The following EMSY variants were observed in gnomAD, a reference collection of about 807,000 sequenced individuals.
The protein encoded by EMSY is BRCA2-interacting transcriptional repressor EMSY.
A neutral mutation model predicts 134.6 loss-of-function variants in EMSY; 26 were observed. That is an observed-to-expected ratio of 0.19 (90% CI 0.14 to 0.27). EMSY has a LOEUF of 0.27. EMSY is among the 10% of genes least tolerant of loss of function. EMSY has a pLI of 1.00. For synonymous variants in EMSY, 579 were observed against 577.8 expected, an observed-to-expected ratio of 1.00 and a Z score of -0.03; for missense variants, 1,305 against 1,611.4, an observed-to-expected ratio of 0.81 and a Z score of 3.26.
At chr11:76,522,645 G>C (rs1950690728) in intron 11 of EMSY, among the ~76,000 whole-genome samples, 1 of 152,118 alleles carries the variant, frequency 6.6e-6, no homozygotes, top group African/African-American at 2.4e-5. Context: ...ATGAGCGTGA[G>C]CCACCACGCC....
At chr11:76,454,112 T>C (rs777243426) in intron 4 of EMSY, among the ~76,000 whole-genome samples, 8 of 152,170 alleles carry the variant, frequency 5.3e-5, no homozygotes, top group Non-Finnish European at 1.0e-4. Flanking sequence ...AAATATGTTA[T>C]AGTATAATTC....
chr11:76,481,104 C>A (rs141847706), intron 8 of EMSY, among the ~76,000 whole-genome samples: 2 of 152,118 alleles, frequency 1.3e-5, no homozygotes, highest in Non-Finnish European at 2.9e-5. Context: ...AGTGCCATGG[C>A]GCTATCTCGG....
chr11:76,445,338 C>T (rs1947332652), intron 1 of EMSY, among the ~76,000 whole-genome samples: 1 of 152,038 alleles, frequency 6.6e-6, no homozygotes, highest in Admixed American at 6.6e-5. Context: ...TGGGAGACTC[C>T]CGGTGAGTCC....
intron 9 of EMSY, among the ~76,000 whole-genome samples, chr11:76,509,848 C>T (rs970475898): frequency 6.6e-6 from 1 of 152,202 alleles, no homozygotes; most frequent in African/African-American, 2.4e-5. Flanking sequence ...AAGTTATTCA[C>T]TCTAACTTTT....
At chr11:76,503,248 C>A (rs1487946419) in intron 9 of EMSY, among the ~76,000 whole-genome samples, 1 of 135,242 alleles carries the variant, frequency 7.4e-6, no homozygotes, top group East Asian at 2.3e-4. Flanking sequence ...TTGCAGTGAG[C>A]TGAGATTGCA....
chr11:76,510,043 C>T (rs556469649), intron 9 of EMSY, among the ~76,000 whole-genome samples: 7 of 152,248 alleles, frequency 4.6e-5, no homozygotes, highest in Admixed American at 1.3e-4. Context: ...CAGAACAAGA[C>T]GCTGTCTCTA....
chr11:76,480,486 A>C (rs1272767921), intron 8 of EMSY, among the ~76,000 whole-genome samples: 1 of 152,212 alleles, frequency 6.6e-6, no homozygotes, highest in African/African-American at 2.4e-5. Flanking sequence ...CTCATCTTCC[A>C]GTTGAAATTC....
chr11:76,531,227 A>T (rs1244741035), intron 14 of EMSY, among the ~76,000 whole-genome samples: 2 of 152,226 alleles, frequency 1.3e-5, no homozygotes, highest in African/African-American at 4.8e-5. Flanking sequence ...ATTTAATGTT[A>T]TAATAATTAT....
At chr11:76,488,649 T>C in intron 8 of EMSY, among the ~76,000 whole-genome samples, 1 of 152,202 alleles carries the variant, frequency 6.6e-6, no homozygotes, top group East Asian at 1.9e-4. Flanking sequence ...AAATCTGCAT[T>C]GATCAAGTGA....
chr11:76,493,367 C>T (rs1418112113), intron 8 of EMSY, among the ~76,000 whole-genome samples: 1 of 152,126 alleles, frequency 6.6e-6, no homozygotes, highest in Non-Finnish European at 1.5e-5. Flanking sequence ...TTGATGGCAG[C>T]AGGAGGCAGA....
intron 12 of EMSY, 73 bp downstream of exon 13, chr11:76,523,364 C>T (rs1306183651): frequency 6.6e-7 from 1 of 1,512,664 alleles, no homozygotes; most frequent in African/African-American, 1.4e-5. Context: ...AATATTTGCA[C>T]AAGGACTTGA....
At chr11:76,542,273 A>C (rs1290363772) in exon 18 of EMSY, 3 of 1,614,074 alleles carry the variant, frequency 1.9e-6, no homozygotes, top group South Asian at 1.1e-5. Context: ...CTGCTCCAGC[A>C]TGTGGCTCAG....
At chr11:76,524,845 G>A (rs1169162374) in intron 12 of EMSY, among the ~76,000 whole-genome samples, 2 of 152,170 alleles carry the variant, frequency 1.3e-5, no homozygotes, top group African/African-American at 2.4e-5. Flanking sequence ...GCAACATGGT[G>A]AAACTCCGTA....
rs71040003 is a variant in EMSY at position 76,522,352 on chromosome 11, C to CTTTTTTTTTTTTTTTTTTTTTTTT, written c.1685-796_1685-773dup. ...CTTGTTTTGTATATCGTTTACTTTG[C>CTTTTTTTTTTTTTTTTTTTTTTTT]TTTTTTTTTTTTTTTTTTTTTTTTT... On this transcript the variant is annotated intron_variant, in intron 11 of 20. Coordinates refer to ENST00000334736, the Ensembl canonical transcript of EMSY. Among the ~76,000 whole-genome samples the CTTTTTTTTTTTTTTTTTTTTTTTT allele has an allele frequency of 1.4e-4, 6 of 44,246 alleles. 2 individuals carry two copies. Among genetic ancestry groups the CTTTTTTTTTTTTTTTTTTTTTTTT allele is most frequent in the East Asian group, 1.8e-3 (2 of 1,134 alleles). The allele number at this position is 44,246 out of a possible 152,430, so 29.0% of individuals were successfully genotyped here.
At chr11:76,526,034 T>C (rs1254579599) in intron 12 of EMSY, among the ~76,000 whole-genome samples, 2 of 152,176 alleles carry the variant, frequency 1.3e-5, no homozygotes, top group Non-Finnish European at 2.9e-5. Context: ...ATTTTCTAAT[T>C]ACACAAATAC....
intron 10 of EMSY, among the ~76,000 whole-genome samples, chr11:76,515,581 T>G (rs1474797974): frequency 6.6e-6 from 1 of 152,202 alleles, no homozygotes; most frequent in African/African-American, 2.4e-5. Context: ...TCTAGGCAGC[T>G]TTAACTTTAA....
intron 9 of EMSY, chr11:76,496,867 A>G: frequency 3.4e-6 from 1 of 298,270 alleles, no homozygotes; most frequent in Non-Finnish European, 6.4e-6. Flanking sequence ...TTTCCAATCA[A>G]TTGCTGTTTA....
chr11:76,546,284 A>G (rs777918730), exon 20 of EMSY: 24 of 1,608,810 alleles, frequency 1.5e-5, no homozygotes, highest in Non-Finnish European at 1.6e-5. Flanking sequence ...AGTCCAGCAG[A>G]AATTATCATC....
At chr11:76,475,015 C>A (rs1346669110) in intron 8 of EMSY, among the ~76,000 whole-genome samples, 2 of 152,166 alleles carry the variant, frequency 1.3e-5, no homozygotes, top group Non-Finnish European at 2.9e-5. Flanking sequence ...CCTCCCGCTT[C>A]AGCCTACCAA....
Sources: allele counts gnomAD v4.1 joint callset (sites outside exome capture counted in the v4.1 genomes callset), GRCh38; gene constraint gnomAD v4.1.1; transcripts MANE v1.5; gene names NCBI Gene and HGNC (gene_info 2026-07-23, HGNC 2026-07-21).